SHLD2: variants seen among roughly 807,000 people sequenced by gnomAD.
SHLD2 encodes the protein RINN1-REV7-interacting novel NHEJ regulator 2.
SHLD2 carries 30 observed loss-of-function variants against 73.2 expected under a neutral mutation model. That is an observed-to-expected ratio of 0.41 (90% CI 0.31 to 0.56). SHLD2 has a LOEUF of 0.56. Ranked by LOEUF, SHLD2 falls within the 20% of genes least tolerant of loss-of-function variation. The pLI is 0.28. For synonymous variants in SHLD2, 285 were observed against 370.1 expected (o/e 0.77, Z 2.64); for missense variants, 745 against 1,055.9 (o/e 0.71, Z 4.08).
chr10:87,166,950 A>AGTGTGT (rs10602407), intron 4 of SHLD2, among the ~76,000 whole-genome samples: 8,111 of 126,216 alleles, frequency 0.064, 290 homozygotes, highest in Non-Finnish European at 0.092. Flanking sequence ...CATTTTGGAA[A>AGTGTGT]GTGTGTGTGT....
rs549366240 is a variant in SHLD2, at chr10:87,168,481, C to T, written c.1634-1997C>T. On this transcript the variant is annotated intron_variant, in intron 4 of 9. Coordinates refer to ENST00000298786, the MANE Select transcript of SHLD2 (RefSeq NM_001330112.2). Reference sequence around the variant, plus strand: ...AGGTGTGGTGGTGCACACCTGTGGCCCCAGCTATTTGGGAGGCTGAAGTGG... The same window carrying T: ...AGGTGTGGTGGTGCACACCTGTGGCTCCAGCTATTTGGGAGGCTGAAGTGG... Among the ~76,000 whole-genome samples the T allele has an allele frequency of 7.3e-5, 11 of 151,192 alleles. 1 individual carries two copies. In the South Asian group the frequency reaches 2.3e-3, roughly 32 times the overall value.
chr10:87,177,497 G>A (rs1284970695), intron 7 of SHLD2, among the ~76,000 whole-genome samples: 1 of 152,128 alleles, frequency 6.6e-6, no homozygotes, highest in African/African-American at 2.4e-5. Context: ...TCCTTCAGAG[G>A]CTTTGTTCAC....
chr10:87,116,834 T>C (rs1220092970), intron 2 of SHLD2, among the ~76,000 whole-genome samples: 1 of 152,114 alleles, frequency 6.6e-6, no homozygotes, highest in Non-Finnish European at 1.5e-5. Context: ...TTGGCCTGGA[T>C]TTTATGTGTC....
intron 1 of SHLD2, among the ~76,000 whole-genome samples, chr10:87,096,233 C>A (rs1293840764): frequency 1.3e-5 from 2 of 151,868 alleles, no homozygotes; most frequent in Non-Finnish European, 2.9e-5. Flanking sequence ...TTAGTAGAGA[C>A]GGGGTTTCGC....
chr10:87,164,050 T>G (rs1173140880), intron 4 of SHLD2, among the ~76,000 whole-genome samples: 5 of 151,556 alleles, frequency 3.3e-5, no homozygotes, highest in Non-Finnish European at 5.9e-5. Context: ...CTCTGCCTCC[T>G]GGGTTCGAGC....
At chr10:87,135,032 T>A (rs1844704297) in intron 2 of SHLD2, among the ~76,000 whole-genome samples, 1 of 152,146 alleles carries the variant, frequency 6.6e-6, no homozygotes. Context: ...CTTTCTTTTT[T>A]AAAATATAAA....
rs769560246 is a variant in SHLD2 at position 87,158,151 on chromosome 10, A to G, written c.1629A>G (p.Glu543=). The G allele has an allele frequency of 6.2e-7, 1 of 1,610,458 alleles. No homozygotes were observed. The highest frequency in any genetic ancestry group is 1.3e-5 in the African/African-American group (1 of 74,844). Reference sequence around the variant, plus strand: ...GGAGTTATTCATCTATTCAGCCTGAAGAATGTAAGGCACATTTTAAATGAA... The same window carrying G: ...GGAGTTATTCATCTATTCAGCCTGAGGAATGTAAGGCACATTTTAAATGAA... ...NLGSYSSIQP[E]EYSSVVSEVV... is the part of the protein sequence containing the mutation. Residue 543 remains glutamate, a synonymous_variant, in exon 4 of 10, where the codon GAA becomes GAG. Transcript: ENST00000298786.
chr10:87,186,970 G>T (rs1848660205), intron 8 of SHLD2, 115 bp from the exon 9 acceptor site: 3 of 654,990 alleles, frequency 4.6e-6, no homozygotes, highest in Non-Finnish European at 8.1e-6. Flanking sequence ...GTTGTTTTAG[G>T]CATTCAAATT....
intron 2 of SHLD2, among the ~76,000 whole-genome samples, chr10:87,133,438 A>G (rs1369672092): frequency 6.6e-6 from 1 of 152,116 alleles, no homozygotes; most frequent in East Asian, 1.9e-4. Context: ...TCATCAAAAC[A>G]TTGTTCTTGT....
intron 3 of SHLD2, among the ~76,000 whole-genome samples, chr10:87,153,484 TATC>T (rs1386021390): frequency 1.3e-5 from 2 of 152,212 alleles, no homozygotes; most frequent in African/African-American, 4.8e-5. Flanking sequence ...ATTGCCTTAT[TATC>T]AAAATTATAT....
At chr10:87,178,714 C>G (rs1331745782) in intron 7 of SHLD2, among the ~76,000 whole-genome samples, 1 of 150,400 alleles carries the variant, frequency 6.6e-6, no homozygotes, top group Non-Finnish European at 1.5e-5. Flanking sequence ...GAGACTGTCT[C>G]AAAACAAAAA....
At chr10:87,181,431 T>G (rs1196223633) in intron 8 of SHLD2, among the ~76,000 whole-genome samples, 1 of 152,092 alleles carries the variant, frequency 6.6e-6, no homozygotes, top group Non-Finnish European at 1.5e-5. Context: ...CAACATTGAT[T>G]TATTAATAGT....
chr10:87,128,479 A>C (rs2134134770), intron 2 of SHLD2, among the ~76,000 whole-genome samples: 2 of 152,290 alleles, frequency 1.3e-5, no homozygotes, highest in Middle Eastern at 6.8e-3. Flanking sequence ...TTATCCTTGG[A>C]ATTCTCTTTT....
intron 7 of SHLD2, 26 bp downstream of exon 7, chr10:87,176,121 T>G: frequency 6.5e-7 from 1 of 1,548,108 alleles, no homozygotes; most frequent in Non-Finnish European, 8.7e-7. Context: ...ACATAAATTC[T>G]GCTATTTTTA....
chr10:87,169,903 CA>C (rs1395046023), intron 4 of SHLD2, among the ~76,000 whole-genome samples: 1 of 152,084 alleles, frequency 6.6e-6, no homozygotes, highest in African/African-American at 2.4e-5. Flanking sequence ...AACAAAGCAG[CA>C]CTGTGAATCT....
chr10:87,123,187 A>G (rs1417934731), intron 2 of SHLD2, among the ~76,000 whole-genome samples: 1 of 152,256 alleles, frequency 6.6e-6, no homozygotes, highest in Non-Finnish European at 1.5e-5. Flanking sequence ...GATTACAGGC[A>G]TGAGTCCCAA....
chr10:87,110,991 G>A (rs976130336), intron 2 of SHLD2, among the ~76,000 whole-genome samples: 18 of 151,460 alleles, frequency 1.2e-4, no homozygotes, highest in Non-Finnish European at 2.2e-4. Context: ...CTACAGGCGC[G>A]CACCACCACG....
intron 4 of SHLD2, among the ~76,000 whole-genome samples, chr10:87,165,917 CAG>C (rs1289363855): frequency 4.6e-5 from 7 of 152,102 alleles, no homozygotes; most frequent in Non-Finnish European, 1.0e-4. Context: ...TAGTTCAAAA[CAG>C]AGTTTTTAAA....
intron 2 of SHLD2, among the ~76,000 whole-genome samples, chr10:87,126,605 G>A (rs1340559877): frequency 6.6e-6 from 1 of 152,066 alleles, no homozygotes; most frequent in African/African-American, 2.4e-5. Flanking sequence ...GGGACATTAT[G>A]GAGGTCAAGT....
Sources: allele counts gnomAD v4.1 joint callset (sites outside exome capture counted in the v4.1 genomes callset), GRCh38; gene constraint gnomAD v4.1.1; transcripts MANE v1.5; gene names NCBI Gene and HGNC (gene_info 2026-07-23, HGNC 2026-07-21).